The following C14orf180 variants were observed in gnomAD, a reference collection of about 807,000 sequenced individuals.
C14orf180 encodes the protein chromosome 14 open reading frame 180.
C14orf180 carries 13 observed loss-of-function variants against 13.9 expected under a neutral mutation model. The ratio of observed to expected loss-of-function variants is 0.94; its 90% CI spans 0.61 to 1.49. C14orf180 has a LOEUF of 1.49. C14orf180 is among the 40% of genes most tolerant of loss of function. The probability of loss-of-function intolerance (pLI) is 0.00; values close to 1 mark genes in which losing one functional copy is unlikely to be tolerated. For synonymous variants in C14orf180, 113 were observed against 106.3 expected, an observed-to-expected ratio of 1.06 and a Z score of -0.39; for missense variants, 238 against 232.0, an observed-to-expected ratio of 1.03 and a Z score of -0.17.
chr14:104,588,151 C>T, intron 3 of C14orf180, 123 bp from the exon 4 acceptor site: 1 of 1,238,096 alleles, frequency 8.1e-7, no homozygotes, highest in Non-Finnish European at 1.2e-6. Context: ...ACCGGCTGGG[C>T]CTGGGTCTCT....
Position 104,589,066 on chromosome 14 carries a change from G to T in C14orf180, c.*283G>T. The T allele has an allele frequency of 1.7e-6, 1 of 595,772 alleles. No individual in the cohort carries two copies. Among genetic ancestry groups the T allele is most frequent in the Non-Finnish European group, 2.8e-6 (1 of 361,710 alleles). The allele number at this position is 595,772 out of a possible 1,614,324, so 36.9% of individuals were successfully genotyped here. ...GAGGATTCGACTGCTAACAGTTGAG[G>T]CTCCCCAGGCTCACCCAAAGACCCC... On this transcript the variant is annotated 3_prime_UTR_variant, in exon 5 of 5. Coordinates refer to ENST00000557649, the MANE Select transcript of C14orf180 (RefSeq NM_001008404.3). The surrounding 1 kb of genome is among the most constrained non-coding windows in gnomAD (Gnocchi z 4.9).
At chr14:104,582,723 G>A (rs1262768471) in intron 1 of C14orf180, among the ~76,000 whole-genome samples, 2 of 152,234 alleles carry the variant, frequency 1.3e-5, no homozygotes, top group African/African-American at 4.8e-5. Context: ...AGGCGCCATG[G>A]GGTTCCTGTT....
At chr14:104,588,232 T>C (rs1201114824) in intron 3 of C14orf180, 42 bp from the exon 4 acceptor site, 3 of 1,613,218 alleles carry the variant, frequency 1.9e-6, no homozygotes, top group East Asian at 2.2e-5. Context: ...CCCGATGGAC[T>C]GAGGCAGGTG....
At position 104,582,989 on chromosome 14, in the gene C14orf180, G is replaced by A. The variant is rs182046593; in HGVS notation, c.-17+2986G>A. On this transcript the variant is annotated intron_variant, in intron 1 of 4. Coordinates refer to ENST00000557649, the MANE Select transcript of C14orf180 (RefSeq NM_001008404.3). ...CAGGGAGGTCACACCACTTACCCGA[G>A]GTCACAGAGCCAAAGAAGGACAGAG... Among the ~76,000 whole-genome samples, 1,161 of 152,246 alleles carry A rather than the reference G, an allele frequency of 7.6e-3. 16 individuals carry two copies. The highest frequency in any genetic ancestry group is 0.027 in the African/African-American group (1,105 of 41,534).
Position 104,588,653 on chromosome 14 carries a change from T to C in C14orf180, c.353T>C (p.Leu118Pro). ...LCVCVLLVLALGLYCGRAKPV... is the reference protein window; with the variant it reads ...LCVCVLLVLAPGLYCGRAKPV... ...GTGTGCGTCCTGCTCGTGCTGGCCC[T>C]GGGCCTATACTGCGGCCGGGCCAAG... is the stretch of plus-strand genomic sequence containing the variant. The change falls in exon 5 of 5, where the codon CTG becomes CCG. Residue 118 changes from leucine (L) to proline (P), a missense_variant. By Grantham distance (98) the Leu-to-Pro change is moderately conservative. Coordinates refer to ENST00000557649, the MANE Select transcript of C14orf180 (RefSeq NM_001008404.3). 6.5e-7 allele frequency: 1 copy of C among 1,531,066 alleles called. No individual in the cohort carries two copies. The highest frequency in any genetic ancestry group is 8.7e-7 in the Non-Finnish European group (1 of 1,143,524). The allele number at this position is 1,531,066 out of a possible 1,614,324, so 94.8% of individuals were successfully genotyped here.
At chr14:104,584,871 T>C (rs1300317321) in intron 1 of C14orf180, among the ~76,000 whole-genome samples, 2 of 152,236 alleles carry the variant, frequency 1.3e-5, no homozygotes, top group Non-Finnish European at 2.9e-5. Context: ...TCTGCAGTAT[T>C]TATGCCCACT....
chr14:104,586,580 C>A, intron 2 of C14orf180, 39 bp downstream of exon 2: 2 of 1,354,468 alleles, frequency 1.5e-6, no homozygotes, highest in South Asian at 1.4e-5. Context: ...TGCAAGCTGG[C>A]CTTCCACTGG....
Position 104,588,583 on chromosome 14 carries a change from G to C in C14orf180, c.283G>C (p.Gly95Arg), listed in dbSNP as rs562143106. Residue 95 changes from glycine (G) to arginine (R), a missense_variant, in exon 5 of 5, where the codon GGC becomes CGC. Transcript: ENST00000557649. ...TGCCTGCCCTCTGGCCGCAGTGCCC[G>C]GCCGGCCCAGGCCACACGGCGGCTC... ...KNATATVRVP[G>R]RPRPHGGSLL... 5 of 1,446,872 alleles carry C rather than the reference G, an allele frequency of 3.5e-6. No homozygotes were observed. Among genetic ancestry groups the C allele is most frequent in the Non-Finnish European group, 4.5e-6 (5 of 1,104,422 alleles). 89.6% of individuals were successfully genotyped at this position (1,446,872 alleles called of 1,614,324 possible).
chr14:104,586,701 G>A (rs971931574), intron 2 of C14orf180, among the ~76,000 whole-genome samples, 160 bp downstream of exon 2: 5 of 151,130 alleles, frequency 3.3e-5, no homozygotes, highest in African/African-American at 1.2e-4. Flanking sequence ...GGGGAGCAGC[G>A]GGGGGCAATG....
At position 104,588,289 on chromosome 14, in the gene C14orf180, A is replaced by G; in HGVS notation, c.257A>G (p.Asn86Ser). The G allele has an allele frequency of 4.3e-6, 7 of 1,613,928 alleles. No individual in the cohort carries two copies. The highest frequency in any genetic ancestry group is 5.1e-6 in the Non-Finnish European group (6 of 1,179,988). The change falls in exon 4 of 5, where the codon AAC (asparagine) becomes AGC (serine). Residue 86 changes from asparagine (N) to serine (S), a missense_variant. Coordinates refer to ENST00000557649, the MANE Select transcript of C14orf180 (RefSeq NM_001008404.3). Reference protein sequence around the residue: ...AVTVHYIADKNATATVRVPGR... With the variant: ...AVTVHYIADKSATATVRVPGR... ...TCTTTCGCAGACATTGCTGACAAGA[A>G]CGCCACAGCCACTGTCAGGGGTGAG...
intron 2 of C14orf180, among the ~76,000 whole-genome samples, chr14:104,587,544 C>A (rs564069111): frequency 2.4e-4 from 36 of 152,226 alleles, no homozygotes; most frequent in African/African-American, 6.7e-4. Context: ...CTTGCCTGGG[C>A]CCCTGAGGCT....
chr14:104,587,847 G>T lies in C14orf180; in HGVS notation c.210G>T (p.Trp70Cys). Residue 70 changes from tryptophan (W) to cysteine (C), a missense_variant, in exon 3 of 5, where the codon TGG becomes TGT. By Grantham distance (215) the Trp-to-Cys change is radical (BLOSUM62 -2). Transcript: ENST00000557649. ...CCCAGAGGACCTCGAGGCGCGTGTG[G>T]TTCCGAGAACCCCCAGCGGTGACCG... is the stretch of plus-strand genomic sequence containing the variant. ...AKPQRTSRRV[W>C]FREPPAVTVH... The T allele has an allele frequency of 6.2e-7, 1 of 1,610,738 alleles. No individual in the cohort carries two copies. The highest frequency in any genetic ancestry group is 8.5e-7 in the Non-Finnish European group (1 of 1,178,930).
rs1178018715 is a variant in C14orf180 at position 104,581,844 on chromosome 14, C to T, written c.-17+1841C>T. Among the ~76,000 whole-genome samples, 9 of 152,234 alleles carry T rather than the reference C, an allele frequency of 5.9e-5. No homozygotes were observed. The East Asian group carries it at 1.7e-3, about 29-fold the overall frequency. ...GGAGCCTGGCCCCAGCCTGCACTCG[C>T]TCAGGCCCCGGGACCCTCTGCCCCT... On this transcript the variant is annotated intron_variant, in intron 1 of 4. Coordinates refer to ENST00000557649, the MANE Select transcript of C14orf180 (RefSeq NM_001008404.3).
chr14:104,587,885 G>C lies in C14orf180; in HGVS notation c.241+7G>C. 1.3e-6 allele frequency: 2 copies of C among 1,599,960 alleles called. No individual in the cohort carries two copies. The highest frequency in any genetic ancestry group is 1.7e-6 in the Non-Finnish European group (2 of 1,172,108). On this transcript the variant is annotated splice_region_variant and intron_variant, in intron 3 of 4. Transcript: ENST00000557649. ...CCAGCGGTGACCGTCCACTGTAAGA[G>C]GGCACCCGCAGCAAGCAGCTGGGAG...
chr14:104,588,191 G>A lies in C14orf180; in HGVS notation c.242-83G>A, dbSNP rs1886700331. 1.8e-5 allele frequency: 27 copies of A among 1,535,844 alleles called. 1 individual carries two copies. The South Asian group carries it at 2.5e-4, about 14-fold the overall frequency. On this transcript the variant is annotated intron_variant, in intron 3 of 4. Transcript: ENST00000557649. ...GATGAATAGTCTCAGGGTCCTTCGG[G>A]GGTGCAGGGTGAGACGAGAGGGCGG...
chr14:104,585,587 C>A (rs1344111008), intron 1 of C14orf180, among the ~76,000 whole-genome samples: 1 of 152,010 alleles, frequency 6.6e-6, no homozygotes, highest in Non-Finnish European at 1.5e-5. Context: ...GCAACCAGCG[C>A]AACAGAGGAG....
At position 104,588,286 on chromosome 14, in the gene C14orf180, A is replaced by G. The variant is rs753168914; in HGVS notation, c.254A>G (p.Lys85Arg). 1 of 1,613,994 alleles carries G rather than the reference A, an allele frequency of 6.2e-7. No individual in the cohort carries two copies. Among genetic ancestry groups the G allele is most frequent in the Non-Finnish European group, 8.5e-7 (1 of 1,180,004 alleles). ...PAVTVHYIAD[K>R]NATATVRVPG... ...TTCTCTTTCGCAGACATTGCTGACAAGAACGCCACAGCCACTGTCAGGGGT... is the reference window on the plus strand; with the variant it reads ...TTCTCTTTCGCAGACATTGCTGACAGGAACGCCACAGCCACTGTCAGGGGT... Residue 85 changes from lysine (K) to arginine (R), a missense_variant, in exon 4 of 5, where the codon AAG becomes AGG. Coordinates refer to ENST00000557649, the MANE Select transcript of C14orf180 (RefSeq NM_001008404.3).
In C14orf180 at chr14:104,588,783, A is replaced by G; in HGVS notation, c.483A>G (p.Ter161TrpextTer24). ...GCTGGCGCGGCCTCCTGCGGCTCTG[A>G]CGGGCAGGACGGGCAGGACGGGCAG... ...LTCWRGLLRL[*>W] The change falls in exon 5 of 5, where the codon TGA (stop) becomes TGG (tryptophan). Residue 161 changes from the stop codon to tryptophan, a stop_lost. Transcript: ENST00000557649. 1 of 486,946 alleles carries G rather than the reference A, an allele frequency of 2.1e-6. No individual in the cohort carries two copies. The highest frequency in any genetic ancestry group is 2.5e-6 in the Non-Finnish European group (1 of 398,774). The allele number at this position is 486,946 out of a possible 1,614,324, so 30.2% of individuals were successfully genotyped here.
intron 1 of C14orf180, among the ~76,000 whole-genome samples, chr14:104,585,324 G>C (rs559960753): frequency 6.6e-6 from 1 of 152,206 alleles, no homozygotes; most frequent in Non-Finnish European, 1.5e-5. Context: ...TCAGTTTCCC[G>C]ACCTGAAGCA....
Sources: gnomAD v4.1 joint callset for allele counts (sites outside exome capture counted in the v4.1 genomes callset) on GRCh38, gnomAD v4.1.1 for gene constraint, Gnocchi (gnomAD v3.1) non-coding constraint, MANE v1.5 for transcripts, NCBI Gene and HGNC (gene_info 2026-07-23, HGNC 2026-07-21) for gene names.